The following RAP1GDS1 variants were observed in gnomAD, a reference collection of about 807,000 sequenced individuals.
The protein encoded by RAP1GDS1 is Rap1 GTPase-GDP dissociation stimulator 1.
RAP1GDS1 carries 35 observed loss-of-function variants against 71.1 expected under a neutral mutation model. That is an observed-to-expected ratio of 0.49 (90% CI 0.38 to 0.65). The LOEUF (loss-of-function observed/expected upper bound fraction) is 0.65, where lower values mean the gene tolerates loss of function less well. RAP1GDS1 is among the 30% of genes least tolerant of loss of function. RAP1GDS1 has a pLI of 0.00. For synonymous variants in RAP1GDS1, 229 were observed against 243.1 expected, an observed-to-expected ratio of 0.94 and a Z score of 0.54; for missense variants, 663 against 706.1, an observed-to-expected ratio of 0.94 and a Z score of 0.69.
chr4:98,402,113 C>T (rs1038518623), intron 6 of RAP1GDS1, among the ~76,000 whole-genome samples: 22 of 152,076 alleles, frequency 1.4e-4, no homozygotes, highest in Admixed American at 1.2e-3. Context: ...CACTGTGTCA[C>T]CCAGACTGGA....
chr4:98,286,325 G>T (rs778644609), intron 1 of RAP1GDS1, among the ~76,000 whole-genome samples: 1 of 151,492 alleles, frequency 6.6e-6, no homozygotes, highest in Non-Finnish European at 1.5e-5. Flanking sequence ...TAGGCCTGTC[G>T]CATCCAGACA....
intron 12 of RAP1GDS1, among the ~76,000 whole-genome samples, chr4:98,425,067 A>T (rs978353053): frequency 1.3e-5 from 2 of 152,218 alleles, no homozygotes; most frequent in African/African-American, 4.8e-5. Context: ...GCTAGAAAGG[A>T]TTGGGGCCCT....
In RAP1GDS1 at chr4:98,442,578, G is replaced by A. The variant is rs184344204; in HGVS notation, c.*461G>A. On this transcript the variant is annotated 3_prime_UTR_variant, in exon 15 of 15. Coordinates refer to ENST00000408927, the MANE Select transcript of RAP1GDS1 (RefSeq NM_001100427.2). ...GGGAAGCACAGTGACCAAAAAAGTTGTATGGCTGCTTATTCATTAGTCTTT... is the reference window on the plus strand; with the variant it reads ...GGGAAGCACAGTGACCAAAAAAGTTATATGGCTGCTTATTCATTAGTCTTT... The A allele has an allele frequency of 4.4e-6, 1 of 228,098 alleles. No homozygotes were observed. Among genetic ancestry groups the A allele is most frequent in the Non-Finnish European group, 8.7e-6 (1 of 114,714 alleles). 14.1% of individuals were successfully genotyped at this position (228,098 alleles called of 1,614,324 possible).
chr4:98,330,132 T>C (rs1027764719), intron 2 of RAP1GDS1, among the ~76,000 whole-genome samples: 2 of 152,162 alleles, frequency 1.3e-5, no homozygotes, highest in Non-Finnish European at 2.9e-5. Flanking sequence ...AAGCACAGGG[T>C]TGGGGATAAG....
chr4:98,324,337 C>T lies in RAP1GDS1; in HGVS notation c.113-18802C>T, dbSNP rs192515490. 7.8e-3 allele frequency among the ~76,000 whole-genome samples: 1,185 copies of T among 152,154 alleles called. 16 individuals carry two copies. Among genetic ancestry groups the T allele is most frequent in the African/African-American group, 0.027 (1,106 of 41,476 alleles). On this transcript the variant is annotated intron_variant, in intron 2 of 14. Coordinates refer to ENST00000408927, the MANE Select transcript of RAP1GDS1 (RefSeq NM_001100427.2). ...GAAGAATCAATATCGTGAAAATGGC[C>T]GTACTACCCAAGGTAATTTACAGAT... is the stretch of plus-strand genomic sequence containing the variant.
At chr4:98,263,412 CTTAAAAAT>C (rs1297314238) in intron 1 of RAP1GDS1, among the ~76,000 whole-genome samples, 1 of 152,206 alleles carries the variant, frequency 6.6e-6, no homozygotes, top group Non-Finnish European at 1.5e-5. Flanking sequence ...AAATTATCTA[CTTAAAAAT>C]AATCTTCAAA....
intron 7 of RAP1GDS1, among the ~76,000 whole-genome samples, chr4:98,413,590 G>A (rs1217809320): frequency 5.9e-5 from 9 of 151,350 alleles, no homozygotes; most frequent in Non-Finnish European, 1.3e-4. Flanking sequence ...TGGTGTATAT[G>A]TGCCACATTT....
At chr4:98,297,005 C>T (rs999097752) in intron 2 of RAP1GDS1, 3 of 203,346 alleles carry the variant, frequency 1.5e-5, no homozygotes, top group Admixed American at 6.2e-5. Flanking sequence ...GCTGTCTTCC[C>T]CTGCCTCGTT....
chr4:98,276,396 T>C (rs1256624966), intron 1 of RAP1GDS1, among the ~76,000 whole-genome samples: 1 of 152,176 alleles, frequency 6.6e-6, no homozygotes, highest in Non-Finnish European at 1.5e-5. Context: ...ACATATTTTG[T>C]AACGGTTTTC....
chr4:98,339,718 GTGTAA>G (rs757448926), intron 2 of RAP1GDS1, among the ~76,000 whole-genome samples: 2 of 152,186 alleles, frequency 1.3e-5, no homozygotes, highest in East Asian at 3.9e-4. Flanking sequence ...TTGAGATACA[GTGTAA>G]TGCCAGTGCA....
At chr4:98,423,817 T>C (rs368487986) in intron 12 of RAP1GDS1, among the ~76,000 whole-genome samples, 15 of 152,184 alleles carry the variant, frequency 9.9e-5, no homozygotes, top group African/African-American at 3.1e-4. Context: ...GTGTTGGGAT[T>C]ACAAGCGTGA....
At chr4:98,441,903 C>CT in intron 14 of RAP1GDS1, 87 bp from the exon 15 acceptor site, 1 of 1,422,590 alleles carries the variant, frequency 7.0e-7, no homozygotes, top group Non-Finnish European at 9.5e-7. Context: ...TAAGCTTAGT[C>CT]TTGTCAAAAT....
At chr4:98,436,740 A>G (rs1751194990) in intron 13 of RAP1GDS1, among the ~76,000 whole-genome samples, 200 bp from the exon 14 acceptor site, 1 of 152,240 alleles carries the variant, frequency 6.6e-6, no homozygotes, top group Non-Finnish European at 1.5e-5. Context: ...TAGTAAGCTT[A>G]AACACCTGAA....
rs1721956368 is a variant in RAP1GDS1, at chr4:98,261,496, C to T, written c.-70C>T. The T allele has an allele frequency of 3.9e-6, 6 of 1,532,094 alleles. No homozygotes were observed. Among genetic ancestry groups the T allele is most frequent in the Admixed American group, 1.8e-5 (1 of 55,420 alleles). The allele number at this position is 1,532,094 out of a possible 1,614,324, so 94.9% of individuals were successfully genotyped here. On this transcript the variant is annotated 5_prime_UTR_variant, in exon 1 of 15. Transcript: ENST00000408927. Reference sequence around the variant, plus strand: ...GGGAGAGACGGAGGTAGAGGGAGGACACAGAGCCGCGCCGCCCGCACCACA... The same window carrying T: ...GGGAGAGACGGAGGTAGAGGGAGGATACAGAGCCGCGCCGCCCGCACCACA...
At chr4:98,301,668 T>C (rs974972905) in intron 2 of RAP1GDS1, among the ~76,000 whole-genome samples, 15 of 152,118 alleles carry the variant, frequency 9.9e-5, no homozygotes, top group African/African-American at 3.6e-4. Context: ...CCAAGGGTAA[T>C]AGCACACAAT....
chr4:98,303,281 T>TTTAA (rs1158682605), intron 2 of RAP1GDS1, among the ~76,000 whole-genome samples: 1 of 152,150 alleles, frequency 6.6e-6, no homozygotes, highest in Non-Finnish European at 1.5e-5. Context: ...ACTTGCACTG[T>TTTAA]TTAATACAGT....
rs756511721 is a variant in RAP1GDS1 at position 98,261,589 on chromosome 4, C to G, written c.4+20C>G. The G allele has an allele frequency of 4.2e-5, 67 of 1,598,474 alleles. No homozygotes were observed. The Middle Eastern group carries it at 6.6e-4, about 16-fold the overall frequency. ...ACATGGGTAAGTCATCCTTCCTCCGCCGTCATCGCCTGACATTTTTTTCTT... is the reference window on the plus strand; with the variant it reads ...ACATGGGTAAGTCATCCTTCCTCCGGCGTCATCGCCTGACATTTTTTTCTT... On this transcript the variant is annotated intron_variant, in intron 1 of 14. Transcript: ENST00000408927.
chr4:98,437,939 TC>T (rs1578891271), intron 14 of RAP1GDS1, among the ~76,000 whole-genome samples: 2 of 152,322 alleles, frequency 1.3e-5, no homozygotes, highest in African/African-American at 4.8e-5. Context: ...TGAATTTGAT[TC>T]TGTTGGTACT....
At chr4:98,272,841 C>T (rs1025716269) in intron 1 of RAP1GDS1, among the ~76,000 whole-genome samples, 3 of 152,076 alleles carry the variant, frequency 2.0e-5, no homozygotes, top group Non-Finnish European at 2.9e-5. Context: ...ACAATCTGAT[C>T]GAGAAATGGT....
Sources: gnomAD v4.1 joint callset for allele counts (sites outside exome capture counted in the v4.1 genomes callset) on GRCh38, gnomAD v4.1.1 for gene constraint, MANE v1.5 for transcripts, NCBI Gene and HGNC (gene_info 2026-07-23, HGNC 2026-07-21) for gene names.